Variants in HEATR4 observed in about 807,000 individuals in gnomAD.
HEATR4 encodes the protein HEAT repeat containing 4.
HEATR4 carries 95 observed loss-of-function variants against 108.8 expected under a neutral mutation model. That is an observed-to-expected ratio of 0.87 (90% confidence interval 0.74 to 1.04). HEATR4 has a LOEUF of 1.04. HEATR4 is among the 50% of genes least tolerant of loss of function. The pLI is 0.00. For missense variants in HEATR4, 1,152 were observed against 1,253.8 expected (o/e 0.92, Z 1.23); for synonymous variants, 443 against 459.4 (o/e 0.96, Z 0.46).
intron 9 of HEATR4, among the ~76,000 whole-genome samples, chr14:73,506,797 T>C (rs989086682): frequency 7.5e-6 from 1 of 133,876 alleles, no homozygotes; most frequent in Non-Finnish European, 1.6e-5. Flanking sequence ...CTTTCCTGAC[T>C]TTAACTGTTT....
chr14:73,573,990 G>A, the HEATR4 span, among the ~76,000 whole-genome samples: 8 of 151,690 alleles, frequency 5.3e-5, no homozygotes, highest in African/African-American at 1.9e-4. Flanking sequence ...ACCTACCCAA[G>A]TGCTGGATTA....
chr14:73,518,530 C>T (rs901525646), intron 5 of HEATR4, among the ~76,000 whole-genome samples: 2 of 152,102 alleles, frequency 1.3e-5, no homozygotes, highest in African/African-American at 4.8e-5. Flanking sequence ...AAGATGTGCA[C>T]ATTTTGTTTC....
chr14:73,497,610 T>C (rs1360111742), intron 14 of HEATR4, among the ~76,000 whole-genome samples: 3 of 152,162 alleles, frequency 2.0e-5, no homozygotes, highest in Admixed American at 1.3e-4. Flanking sequence ...TAGTTGAATA[T>C]ATGAATAACT....
chr14:73,498,200 G>C lies in HEATR4; in HGVS notation c.2501C>G (p.Thr834Ser). The C allele has an allele frequency of 6.2e-7, 1 of 1,613,940 alleles. No homozygotes were observed. Residue 834 changes from threonine to serine, a missense_variant, in exon 14 of 18, where the codon ACC becomes AGC. Transcript: ENST00000553558. Reference sequence around the variant, plus strand: ...CTCCAGGAGCAGCACGTCTAGGAAGGTGTCCCTGACCCGGTCCCCTTGAAG... The same window carrying C: ...CTCCAGGAGCAGCACGTCTAGGAAGCTGTCCCTGACCCGGTCCCCTTGAAG... ...LKLQGDRVRD[T>S]FLDVLLLENH...
intron 17 of HEATR4, among the ~76,000 whole-genome samples, chr14:73,485,202 T>C (rs1238451366): frequency 1.3e-5 from 2 of 151,942 alleles, no homozygotes; most frequent in Non-Finnish European, 2.9e-5. Flanking sequence ...AAGAAAATTA[T>C]ATATAATGTA....
chr14:73,529,612 A>G (rs2097972), intron 2 of HEATR4, among the ~76,000 whole-genome samples: 1 of 151,580 alleles, frequency 6.6e-6, no homozygotes, highest in Non-Finnish European at 1.5e-5. Context: ...TCAACTCAAA[A>G]TGGGTAGTAT....
chr14:73,513,036 A>G (rs1245751879), intron 6 of HEATR4, among the ~76,000 whole-genome samples: 2 of 152,242 alleles, frequency 1.3e-5, no homozygotes, highest in Non-Finnish European at 2.9e-5. Flanking sequence ...GGATAGCCCC[A>G]ACTCTACGAA....
the HEATR4 span, among the ~76,000 whole-genome samples, chr14:73,617,370 C>T: frequency 6.6e-6 from 1 of 152,118 alleles, no homozygotes; most frequent in Non-Finnish European, 1.5e-5. Context: ...GTCCCAGCTA[C>T]CTGGGAGGCT....
At chr14:73,591,027 G>C in the HEATR4 span, among the ~76,000 whole-genome samples, 5 of 152,234 alleles carry the variant, frequency 3.3e-5, no homozygotes, top group African/African-American at 7.2e-5. Context: ...AGGATAGTTT[G>C]TGCTCAGGAG....
Position 73,538,611 on chromosome 14 carries a change from CAAAAAAA to C in HEATR4, c.-151-8374_-151-8368del, listed in dbSNP as rs59948219. On this transcript the variant is annotated intron_variant, in intron 1 of 17. Coordinates refer to ENST00000553558, the MANE Select transcript of HEATR4 (RefSeq NM_001220484.1). ...TGGGCAATAGAGTGAGACTCCGTCT[CAAAAAAA>C]AAAAAAAAAAAAGGCATTGTAAGGA... Among the ~76,000 whole-genome samples, 2 of 27,246 alleles carry C rather than the reference CAAAAAAA, an allele frequency of 7.3e-5. 1 individual carries two copies. Among genetic ancestry groups the C allele is most frequent in the Non-Finnish European group, 1.7e-4 (2 of 12,106 alleles). 17.9% of individuals were successfully genotyped at this position (27,246 alleles called of 152,430 possible).
chr14:73,609,384 A>T, the HEATR4 span, among the ~76,000 whole-genome samples: 7 of 152,290 alleles, frequency 4.6e-5, no homozygotes, highest in African/African-American at 1.7e-4. Flanking sequence ...GTGCTCCTGC[A>T]TATCACCCCT....
intron 1 of HEATR4, among the ~76,000 whole-genome samples, chr14:73,531,370 T>C (rs1888692382): frequency 8.9e-6 from 1 of 112,206 alleles, no homozygotes; most frequent in African/African-American, 2.9e-5. Context: ...TGTGAGAAAT[T>C]GCATCTTATT....
At chr14:73,614,873 G>T in the HEATR4 span, among the ~76,000 whole-genome samples, 1 of 151,902 alleles carries the variant, frequency 6.6e-6, no homozygotes, top group Admixed American at 6.6e-5. Context: ...GAGGCAGGTG[G>T]ATCACCTGAG....
At chr14:73,568,041 A>C in the HEATR4 span, 2 of 152,424 alleles carry the variant, frequency 1.3e-5, no homozygotes, top group African/African-American at 4.8e-5. Flanking sequence ...AGAATCCACC[A>C]GAAGGAACCA....
the HEATR4 span, chr14:73,569,656 C>T: frequency 6.2e-7 from 1 of 1,606,500 alleles, no homozygotes. Flanking sequence ...GGGCTTGAGC[C>T]CATGGGGCTG....
the HEATR4 span, chr14:73,595,322 G>A: frequency 1.9e-6 from 3 of 1,614,222 alleles, no homozygotes; most frequent in Non-Finnish European, 2.5e-6. Flanking sequence ...GATTCCAATA[G>A]AGAAGGCCCA....
rs1886869145 is a variant in HEATR4 at position 73,506,804 on chromosome 14, G to GTTTTTTTTTTTTTTTGTTTT, written c.1882-234_1882-233insAAAACAAAAAAAAAAAAAAA. 6.2e-5 allele frequency among the ~76,000 whole-genome samples: 5 copies of GTTTTTTTTTTTTTTTGTTTT among 80,522 alleles called. 2 individuals carry two copies. The highest frequency in any genetic ancestry group is 2.4e-4 in the African/African-American group (5 of 20,410). 52.8% of individuals were successfully genotyped at this position (80,522 alleles called of 152,430 possible). Reference sequence around the variant, plus strand: ...GGACCTTCCTTTCCTGACTTTAACTGTTTTTTTTTTTTTTTTTTTTTCTGA... The same window carrying GTTTTTTTTTTTTTTTGTTTT: ...GGACCTTCCTTTCCTGACTTTAACTGTTTTTTTTTTTTTTTGTTTTTTTTTTTTTTTTTTTTTTTTTCTGA... On this transcript the variant is annotated intron_variant, in intron 9 of 17. Transcript: ENST00000553558.
At chr14:73,572,148 A>G in the HEATR4 span, among the ~76,000 whole-genome samples, 3 of 79,070 alleles carry the variant, frequency 3.8e-5, no homozygotes, top group African/African-American at 6.6e-5. Context: ...GTACATGTGC[A>G]CCAGGAGGCA....
the HEATR4 span, among the ~76,000 whole-genome samples, chr14:73,600,914 G>A: frequency 9.2e-5 from 14 of 151,588 alleles, no homozygotes; most frequent in East Asian, 4.0e-4. Flanking sequence ...CAAGGCGGGC[G>A]GATCACCTGA....
Sources: allele counts gnomAD v4.1 joint callset (sites outside exome capture counted in the v4.1 genomes callset), GRCh38; gene constraint gnomAD v4.1.1; transcripts MANE v1.5; gene names NCBI Gene and HGNC (gene_info 2026-07-23, HGNC 2026-07-21).